The following USPL1 variants were observed in gnomAD, a reference collection of about 807,000 sequenced individuals.
USPL1 encodes ubiquitin specific peptidase like 1.
Under a neutral mutation model 51.5 loss-of-function variants are expected in USPL1, and 27 were observed. The ratio of observed to expected loss-of-function variants is 0.52; its 90% CI spans 0.39 to 0.72. The LOEUF is 0.72. Among genes scored for constraint, USPL1 ranks in the 30% least tolerant of loss-of-function variants. The pLI is 0.00. For synonymous variants in USPL1, 451 were observed against 459.6 expected (o/e 0.98, Z 0.24); for missense variants, 1,226 against 1,268.0 (o/e 0.97, Z 0.50).
At chr13:30,625,621 T>G (rs1950705127) in intron 3 of USPL1, among the ~76,000 whole-genome samples, 1 of 151,938 alleles carries the variant, frequency 6.6e-6, no homozygotes, top group Non-Finnish European at 1.5e-5. Flanking sequence ...AATTTTTGTA[T>G]TTTTAGTAGA....
At chr13:30,636,911 G>A (rs1950883925) in intron 4 of USPL1, among the ~76,000 whole-genome samples, 1 of 152,140 alleles carries the variant, frequency 6.6e-6, no homozygotes, top group Non-Finnish European at 1.5e-5. Flanking sequence ...TTCAGTCACT[G>A]TATAATAACT....
chr13:30,640,825 C>G (rs1016775226), intron 5 of USPL1, among the ~76,000 whole-genome samples: 3 of 152,112 alleles, frequency 2.0e-5, no homozygotes, highest in Admixed American at 6.5e-5. Flanking sequence ...GGGTATAACT[C>G]GCTTGTATTA....
At position 30,658,583 on chromosome 13, in the gene USPL1, A is replaced by G. The variant is rs1179750950; in HGVS notation, c.2506A>G (p.Asn836Asp). Residue 836 changes from asparagine (N) to aspartate (D), a missense_variant, in exon 9 of 9, where the codon AAT (asparagine) becomes GAT (aspartate). Coordinates refer to ENST00000255304, the MANE Select transcript of USPL1 (RefSeq NM_005800.5). ...GCCACCAGCAGGCCCTCCATCGTCT[A>G]ATGGCACAGCTGCCCACCCACATGC... ...SKPPAGPPSS[N>D]GTAAHPHAHA... 1.3e-5 allele frequency: 21 copies of G among 1,614,080 alleles called. No individual in the cohort carries two copies. Among genetic ancestry groups the G allele is most frequent in the East Asian group, 4.5e-5 (2 of 44,894 alleles).
Position 30,658,644 on chromosome 13 carries a change from G to T in USPL1, c.2567G>T (p.Ser856Ile), listed in dbSNP as rs372849370. ...AASEVLEKSG[S>I]TSCGAQLNHS... ...TCAGAAGTTTTGGAAAAGTCTGGAA[G>T]CACCTCATGTGGAGCTCAACTCAAC... Residue 856 changes from serine to isoleucine, a missense_variant, in exon 9 of 9, where the codon AGC becomes ATC. By Grantham distance (142) the Ser-to-Ile change is moderately radical. Transcript: ENST00000255304. 1.2e-6 allele frequency: 2 copies of T among 1,614,204 alleles called. No homozygotes were observed. The highest frequency in any genetic ancestry group is 8.5e-7 in the Non-Finnish European group (1 of 1,180,042).
At chr13:30,639,439 C>T (rs1030714654) in intron 5 of USPL1, among the ~76,000 whole-genome samples, 4 of 151,876 alleles carry the variant, frequency 2.6e-5, no homozygotes, top group Non-Finnish European at 5.9e-5. Flanking sequence ...TGGACTTATA[C>T]ATACATATTT....
At position 30,658,273 on chromosome 13, in the gene USPL1, A is replaced by T; in HGVS notation, c.2196A>T (p.Ala732=). The T allele has an allele frequency of 6.2e-7, 1 of 1,613,668 alleles. No homozygotes were observed. Among genetic ancestry groups the T allele is most frequent in the Non-Finnish European group, 8.5e-7 (1 of 1,179,948 alleles). ...ATTTGAAGAAAAAAGAAACTACAGCAGATTCTCAAACCACAACATCTAAGT... is the reference window on the plus strand; with the variant it reads ...ATTTGAAGAAAAAAGAAACTACAGCTGATTCTCAAACCACAACATCTAAGT... The part of the protein sequence containing the change: ...VSNLKKKETT[A]DSQTTTSKSL... The change falls in exon 9 of 9, where the codon GCA becomes GCT. Residue 732 remains alanine, a synonymous_variant. Transcript: ENST00000255304.
intron 6 of USPL1, among the ~76,000 whole-genome samples, chr13:30,644,283 C>CA (rs1041706236): frequency 6.6e-6 from 1 of 150,654 alleles, no homozygotes; most frequent in African/African-American, 2.4e-5. Flanking sequence ...CACTCCGTCT[C>CA]AAAAAAAATT....
chr13:30,619,489 A>C (rs1402237570), intron 1 of USPL1, among the ~76,000 whole-genome samples: 1 of 152,212 alleles, frequency 6.6e-6, no homozygotes. Flanking sequence ...CCTCAGGTAG[A>C]TGGAAATTTT....
Position 30,627,075 on chromosome 13 carries a change from C to G in USPL1, c.229-3760C>G, listed in dbSNP as rs368947429. Among the ~76,000 whole-genome samples the G allele has an allele frequency of 2.0e-5, 3 of 151,916 alleles. No homozygotes were observed. In the East Asian group the frequency reaches 5.8e-4, roughly 29 times the overall value. On this transcript the variant is annotated intron_variant, in intron 3 of 8. Coordinates refer to ENST00000255304, the MANE Select transcript of USPL1 (RefSeq NM_005800.5). ...GAATAAGTACAGGAATTTACTTAAG[C>G]TGCTCCAAAACTCAGTGAAAGAGAC... is the stretch of plus-strand genomic sequence containing the variant.
chr13:30,633,864 G>A (rs1950840487), intron 4 of USPL1, among the ~76,000 whole-genome samples: 1 of 149,720 alleles, frequency 6.7e-6, no homozygotes, highest in South Asian at 2.1e-4. Flanking sequence ...GTTTCTGATC[G>A]TGTCTTCCAC....
At chr13:30,631,961 GT>G (rs1227216024) in intron 4 of USPL1, among the ~76,000 whole-genome samples, 1 of 110,906 alleles carries the variant, frequency 9.0e-6, no homozygotes, top group African/African-American at 5.1e-5. Context: ...CCAAAAGGCA[GT>G]TTTTTTGTTT....
chr13:30,642,841 A>G (rs1248501031), intron 6 of USPL1, 84 bp downstream of exon 6: 25 of 1,493,860 alleles, frequency 1.7e-5, no homozygotes, highest in Non-Finnish European at 2.2e-5. Context: ...ACCAGACACT[A>G]CAGTTTGCTT....
intron 8 of USPL1, among the ~76,000 whole-genome samples, chr13:30,653,647 C>G (rs1374991967): frequency 6.6e-6 from 1 of 152,076 alleles, no homozygotes; most frequent in East Asian, 1.9e-4. Context: ...ATTTCTAAGA[C>G]TATTAAACAT....
At position 30,657,891 on chromosome 13, in the gene USPL1, C is replaced by T. The variant is rs774279931; in HGVS notation, c.1814C>T (p.Ala605Val). The change falls in exon 9 of 9, where the codon GCT (alanine) becomes GTT (valine). Residue 605 changes from alanine (A) to valine (V), a missense_variant. Physicochemically the swap from Ala to Val is moderately conservative, Grantham distance 64. Coordinates refer to ENST00000255304, the MANE Select transcript of USPL1 (RefSeq NM_005800.5). ...TCAGTTTCACAGTTAAATTCTGAAG[C>T]TTTCCTGTTAGAAAATAAACCTGTA... Reference protein sequence around the residue: ...TASVSQLNSEAFLLENKPVAE... With the variant: ...TASVSQLNSEVFLLENKPVAE... 1.9e-6 allele frequency: 3 copies of T among 1,613,854 alleles called. No individual in the cohort carries two copies. The highest frequency in any genetic ancestry group is 2.5e-6 in the Non-Finnish European group (3 of 1,180,018).
At chr13:30,653,005 C>T (rs914500511) in intron 7 of USPL1, 143 bp from the exon 8 acceptor site, 4 of 696,288 alleles carry the variant, frequency 5.7e-6, no homozygotes, top group Non-Finnish European at 9.3e-6. Flanking sequence ...CTAATTAAGG[C>T]ACACATCTGG....
At chr13:30,654,074 C>G (rs1951127640) in intron 8 of USPL1, among the ~76,000 whole-genome samples, 1 of 152,152 alleles carries the variant, frequency 6.6e-6, no homozygotes, top group African/African-American at 2.4e-5. Context: ...AGGTTTTACC[C>G]TGTTTCAGAT....
chr13:30,621,973 T>G, intron 3 of USPL1, 81 bp downstream of exon 3: 4 of 1,097,248 alleles, frequency 3.6e-6, no homozygotes, highest in Non-Finnish European at 4.7e-6. Context: ...AAAAGTTTAC[T>G]CATTTTTTGT....
At position 30,658,545 on chromosome 13, in the gene USPL1, C is replaced by T; in HGVS notation, c.2468C>T (p.Pro823Leu). 3 of 1,614,112 alleles carry T rather than the reference C, an allele frequency of 1.9e-6. No individual in the cohort carries two copies. Among genetic ancestry groups the T allele is most frequent in the Admixed American group, 3.3e-5 (2 of 60,028 alleles). The change falls in exon 9 of 9, where the codon CCT (proline) becomes CTT (leucine). Residue 823 changes from proline to leucine, a missense_variant. Coordinates refer to ENST00000255304, the MANE Select transcript of USPL1 (RefSeq NM_005800.5). ...GCTCGTAAGAGTGCAAGTAAGCCTCCTCCCATCAGTAAGCCACCAGCAGGC... is the reference window on the plus strand; with the variant it reads ...GCTCGTAAGAGTGCAAGTAAGCCTCTTCCCATCAGTAAGCCACCAGCAGGC... ...KKARKSASKP[P>L]PISKPPAGPP...
intron 8 of USPL1, among the ~76,000 whole-genome samples, chr13:30,655,269 G>A (rs1235369453): frequency 2.0e-5 from 3 of 152,092 alleles, no homozygotes; most frequent in African/African-American, 7.2e-5. Flanking sequence ...TTTTAATTTG[G>A]TCTGTAAATT....
Sources: gnomAD v4.1 joint callset for allele counts (sites outside exome capture counted in the v4.1 genomes callset) on GRCh38, gnomAD v4.1.1 for gene constraint, MANE v1.5 for transcripts, NCBI Gene and HGNC (gene_info 2026-07-23, HGNC 2026-07-21) for gene names.